CEP41: variants seen among roughly 807,000 people sequenced by gnomAD.
CEP41 encodes the protein centrosomal protein 41.
A neutral mutation model predicts 44.3 loss-of-function variants in CEP41; 32 were observed. The ratio of observed to expected loss-of-function variants is 0.72; its 90% CI spans 0.54 to 0.97. CEP41 has a LOEUF of 0.97. Among genes scored for constraint, CEP41 ranks in the 50% least tolerant of loss-of-function variants. The probability of loss-of-function intolerance (pLI) is 0.00; values close to 1 mark genes in which losing one functional copy is unlikely to be tolerated. For synonymous variants in CEP41, 151 were observed against 168.5 expected (o/e 0.90, Z 0.80); for missense variants, 432 against 455.2 (o/e 0.95, Z 0.46).
rs1272724187 is a variant in CEP41 at position 130,394,189 on chromosome 7, A to G, written c.*4702T>C. On this transcript the variant is annotated 3_prime_UTR_variant, in exon 11 of 11. Coordinates refer to ENST00000223208, the MANE Select transcript of CEP41 (RefSeq NM_018718.3). The stretch of plus-strand genomic sequence containing the variant: ...ACCCAGAGTGAGAAGCATAGAGCGG[A>G]GTGGCTGAAAGAACACCCTCTGGAG... 2 of 453,928 alleles carry G rather than the reference A, an allele frequency of 4.4e-6. No homozygotes were observed. Among genetic ancestry groups the G allele is most frequent in the African/African-American group, 4.0e-5 (2 of 49,988 alleles). The allele number at this position is 453,928 out of a possible 1,614,324, so 28.1% of individuals were successfully genotyped here.
At chr7:130,406,133 T>C (rs1280592665) in intron 5 of CEP41, among the ~76,000 whole-genome samples, 2 of 152,176 alleles carry the variant, frequency 1.3e-5, no homozygotes, top group South Asian at 2.1e-4. Flanking sequence ...CTGTTTCAGT[T>C]CCCAGTTTAA....
At chr7:130,430,824 T>G (rs1554424934) in intron 1 of CEP41, among the ~76,000 whole-genome samples, 4 of 152,178 alleles carry the variant, frequency 2.6e-5, no homozygotes. Flanking sequence ...ACTAGTTTCC[T>G]AGCAAAGCTT....
rs985456545 is a variant in CEP41 at position 130,432,912 on chromosome 7, G to A, written c.34-4894C>T. Among the ~76,000 whole-genome samples, 5 of 152,162 alleles carry A rather than the reference G, an allele frequency of 3.3e-5. No individual in the cohort carries two copies. The South Asian group carries it at 1.0e-3, about 32-fold the overall frequency. ...ATGGAAATGAACAAAATCATGCTGA[G>A]GAGAGTGCAGACTGAAAAACCCCAA... On this transcript the variant is annotated intron_variant, in intron 1 of 10. Transcript: ENST00000223208.
chr7:130,441,481 A>C (rs781863127), upstream of CEP41, among the ~76,000 whole-genome samples: 58 of 152,222 alleles, frequency 3.8e-4, no homozygotes, highest in Non-Finnish European at 6.5e-4. Context: ...ATGGGAGAGT[A>C]TGGTTTATTA....
chr7:130,417,901 A>T (rs1482731448), intron 2 of CEP41, among the ~76,000 whole-genome samples: 2 of 152,260 alleles, frequency 1.3e-5, no homozygotes, highest in Non-Finnish European at 2.9e-5. Context: ...AATGCTTTCA[A>T]TTAATAGTAG....
chr7:130,421,836 C>A, intron 2 of CEP41: 1 of 1,403,674 alleles, frequency 7.1e-7, no homozygotes, highest in Non-Finnish European at 9.2e-7. Flanking sequence ...GAAAGTGTCC[C>A]TTAATCAGCC....
chr7:130,436,010 C>T (rs1172033362), intron 1 of CEP41, among the ~76,000 whole-genome samples: 3 of 152,026 alleles, frequency 2.0e-5, no homozygotes, highest in African/African-American at 4.8e-5. Flanking sequence ...AAAAATTGGC[C>T]GGGCACAGTG....
Position 130,396,918 on chromosome 7 carries a change from C to T in CEP41, c.*1973G>A, listed in dbSNP as rs1437804828. The T allele has an allele frequency of 8.9e-6, 4 of 449,916 alleles. No individual in the cohort carries two copies. Among genetic ancestry groups the T allele is most frequent in the African/African-American group, 2.0e-5 (1 of 49,640 alleles). 27.9% of individuals were successfully genotyped at this position (449,916 alleles called of 1,614,324 possible). ...TTGTCTGACGATGGGAACGCAGAAT[C>T]GGAACAAGGAGGGAAGACCATTTAC... On this transcript the variant is annotated 3_prime_UTR_variant, in exon 11 of 11. Transcript: ENST00000223208.
intron 1 of CEP41, 114 bp downstream of exon 1, chr7:130,440,820 G>T: frequency 3.2e-6 from 1 of 311,160 alleles, no homozygotes. Context: ...TCCTCACGCC[G>T]GCCCCTTCCC....
intron 7 of CEP41, 77 bp downstream of exon 7, chr7:130,402,571 G>T: frequency 6.7e-7 from 1 of 1,487,526 alleles, no homozygotes; most frequent in South Asian, 1.1e-5. Context: ...CATGGGCTGT[G>T]GTTCCAGCCT....
At chr7:130,405,134 A>T (rs1796971803) in intron 5 of CEP41, among the ~76,000 whole-genome samples, 1 of 152,228 alleles carries the variant, frequency 6.6e-6, no homozygotes, top group South Asian at 2.1e-4. Context: ...AACACTTACT[A>T]TTCTTATTAC....
At chr7:130,399,226 A>AG (rs1245250229) in intron 10 of CEP41, 187 bp from the exon 11 acceptor site, 1 of 682,230 alleles carries the variant, frequency 1.5e-6, no homozygotes, top group African/African-American at 1.8e-5. Flanking sequence ...GAAGGTGGGG[A>AG]GGGGGACAGA....
intron 6 of CEP41, among the ~76,000 whole-genome samples, chr7:130,403,001 C>T (rs1177057985): frequency 2.0e-5 from 3 of 152,156 alleles, no homozygotes; most frequent in Non-Finnish European, 4.4e-5. Flanking sequence ...CACTGGACCC[C>T]ACAGAGGAGA....
intron 1 of CEP41, among the ~76,000 whole-genome samples, chr7:130,431,223 C>CT (rs1448439632): frequency 1.3e-5 from 2 of 152,028 alleles, no homozygotes; most frequent in Non-Finnish European, 2.9e-5. Context: ...GGGGTGACTG[C>CT]TTTTTGACCT....
intron 3 of CEP41, 62 bp downstream of exon 3, chr7:130,416,857 G>T: frequency 7.9e-7 from 1 of 1,267,792 alleles, no homozygotes; most frequent in South Asian, 1.2e-5. Context: ...TGTTAGTTAA[G>T]AACCAATTTA....
intron 2 of CEP41, among the ~76,000 whole-genome samples, chr7:130,418,419 C>T (rs927438305): frequency 1.3e-5 from 2 of 152,208 alleles, no homozygotes; most frequent in Non-Finnish European, 2.9e-5. Flanking sequence ...TGAACTCAGG[C>T]GTGGACTTGC....
At chr7:130,441,283 G>C, upstream of CEP41, 6 of 320,130 alleles carry the variant, frequency 1.9e-5, no homozygotes, top group South Asian at 5.2e-5. Context: ...TGGCGCCTGC[G>C]CAAAGCCGGG....
At position 130,398,272 on chromosome 7, in the gene CEP41, C is replaced by T. The variant is rs1796730710; in HGVS notation, c.*619G>A. ...CATTCAGTGAGTGTACAGCTACTTT[C>T]CTCATCTTCAATTTCAGTGAGTACA... On this transcript the variant is annotated 3_prime_UTR_variant, in exon 11 of 11. Transcript: ENST00000223208. 1 of 454,086 alleles carries T rather than the reference C, an allele frequency of 2.2e-6. No individual in the cohort carries two copies. The allele number at this position is 454,086 out of a possible 1,614,324, so 28.1% of individuals were successfully genotyped here.
intron 1 of CEP41, 60 bp from the exon 2 acceptor site, chr7:130,428,078 G>T: frequency 2.6e-6 from 3 of 1,140,240 alleles, no homozygotes; most frequent in Non-Finnish European, 4.0e-6. Flanking sequence ...ATAAGGTAAA[G>T]TCAGGAGTCA....
Sources: allele counts gnomAD v4.1 joint callset (sites outside exome capture counted in the v4.1 genomes callset), GRCh38; gene constraint gnomAD v4.1.1; transcripts MANE v1.5; gene names NCBI Gene and HGNC (gene_info 2026-07-23, HGNC 2026-07-21).